Variants in TMEM120B observed in about 807,000 individuals in gnomAD.
TMEM120B encodes transmembrane protein 120B.
TMEM120B carries 31 observed loss-of-function variants against 55.5 expected under a neutral mutation model. The observed-to-expected ratio is 0.56, with a 90% CI of 0.42 to 0.75. TMEM120B has a LOEUF of 0.75. Ranked by LOEUF, TMEM120B falls within the 30% of genes least tolerant of loss-of-function variation. TMEM120B has a pLI of 0.00. For synonymous variants in TMEM120B, 203 were observed against 176.3 expected (o/e 1.15, Z -1.20); for missense variants, 399 against 425.5 (o/e 0.94, Z 0.55).
chr12:121,781,041 C>G lies in TMEM120B; in HGVS notation c.*5319C>G. On this transcript the variant is annotated 3_prime_UTR_variant, in exon 12 of 12. Coordinates refer to ENST00000449592, the MANE Select transcript of TMEM120B (RefSeq NM_001080825.2). ...GAGGAGGCGGGATCAGGGGTGCGGCCGGGCCCAGATGTGGGGCCACCACCC... is the reference window on the plus strand; with the variant it reads ...GAGGAGGCGGGATCAGGGGTGCGGCGGGGCCCAGATGTGGGGCCACCACCC... The G allele has an allele frequency of 6.2e-7, 1 of 1,613,526 alleles. No homozygotes were observed. The highest frequency in any genetic ancestry group is 8.5e-7 in the Non-Finnish European group (1 of 1,179,588).
At chr12:121,724,902 G>T (rs1171067952) in intron 1 of TMEM120B, among the ~76,000 whole-genome samples, 1 of 152,066 alleles carries the variant, frequency 6.6e-6, no homozygotes, top group Non-Finnish European at 1.5e-5. Flanking sequence ...GAGCCACCGC[G>T]CCTGGCCAAC....
intron 1 of TMEM120B, among the ~76,000 whole-genome samples, chr12:121,718,514 A>T (rs751524112): frequency 5.9e-5 from 9 of 152,068 alleles, no homozygotes; most frequent in Non-Finnish European, 1.2e-4. Flanking sequence ...TCAAAAATAA[A>T]TGAATGAGTG....
chr12:121,771,601 T>G (rs1566526196), intron 8 of TMEM120B, 52 bp downstream of exon 8: 1 of 1,561,870 alleles, frequency 6.4e-7, no homozygotes, highest in Non-Finnish European at 8.8e-7. Flanking sequence ...TTCTGAGACT[T>G]TCACCAAGGG....
chr12:121,766,447 C>T (rs1476406889), intron 6 of TMEM120B, among the ~76,000 whole-genome samples: 3 of 152,166 alleles, frequency 2.0e-5, no homozygotes, highest in Admixed American at 2.0e-4. Context: ...GCTCCAGCTC[C>T]CTGTTCTGTT....
intron 6 of TMEM120B, among the ~76,000 whole-genome samples, chr12:121,769,352 G>A (rs561526387): frequency 4.3e-4 from 65 of 152,188 alleles, no homozygotes; most frequent in African/African-American, 1.4e-3. Flanking sequence ...GTGAGGTGCC[G>A]CGTGTGGCAT....
At chr12:121,765,916 G>GC (rs1457031880) in intron 6 of TMEM120B, among the ~76,000 whole-genome samples, 1 of 152,040 alleles carries the variant, frequency 6.6e-6, no homozygotes, top group African/African-American at 2.4e-5. Flanking sequence ...GGAGGCGGTG[G>GC]GAGGTGAGAC....
At chr12:121,751,344 C>A (rs1460173213) in intron 4 of TMEM120B, among the ~76,000 whole-genome samples, 1 of 106,264 alleles carries the variant, frequency 9.4e-6, no homozygotes, top group African/African-American at 3.8e-5. Context: ...ACACCCCACA[C>A]CCACACCCCA....
chr12:121,774,964 T>C, intron 10 of TMEM120B, 98 bp from the exon 11 acceptor site: 1 of 1,346,090 alleles, frequency 7.4e-7, no homozygotes, highest in African/African-American at 1.4e-5. Context: ...GGGTAGTTGA[T>C]ACCCAAAGTT....
At chr12:121,768,007 G>T (rs1592947428) in intron 6 of TMEM120B, among the ~76,000 whole-genome samples, 2 of 152,202 alleles carry the variant, frequency 1.3e-5, no homozygotes, top group East Asian at 3.8e-4. Context: ...CTGGGAAGTT[G>T]CAGAGAGACC....
At chr12:121,772,751 C>T (rs936790331) in intron 8 of TMEM120B, among the ~76,000 whole-genome samples, 1 of 152,216 alleles carries the variant, frequency 6.6e-6, no homozygotes, top group Admixed American at 6.5e-5. Flanking sequence ...CTACAACCTA[C>T]ATTTTAAGTT....
chr12:121,773,771 C>CACACACACACACACAT (rs1395493749), intron 9 of TMEM120B, among the ~76,000 whole-genome samples: 5 of 152,212 alleles, frequency 3.3e-5, no homozygotes, highest in African/African-American at 1.2e-4. Context: ...CTAGAATACA[C>CACACACACACACACAT]ACACACAAAT....
intron 1 of TMEM120B, among the ~76,000 whole-genome samples, chr12:121,729,471 A>T (rs773833472): frequency 6.6e-6 from 1 of 152,174 alleles, no homozygotes; most frequent in Non-Finnish European, 1.5e-5. Flanking sequence ...TCGAATTACC[A>T]TATGGTCCAG....
At chr12:121,760,285 ACT>A (rs1873629681) in intron 5 of TMEM120B, among the ~76,000 whole-genome samples, 1 of 150,410 alleles carries the variant, frequency 6.6e-6, no homozygotes, top group African/African-American at 2.5e-5. Flanking sequence ...CCTGAGCGAG[ACT>A]CTGTCTCAAA....
chr12:121,772,125 TTCTC>T (rs1187259879), intron 8 of TMEM120B, among the ~76,000 whole-genome samples: 5 of 117,310 alleles, frequency 4.3e-5, no homozygotes, highest in African/African-American at 1.3e-4. Flanking sequence ...CTCTCTCTCT[TTCTC>T]TCTTTCTTTC....
chr12:121,730,656 A>G (rs1277778899), intron 1 of TMEM120B, among the ~76,000 whole-genome samples: 1 of 148,222 alleles, frequency 6.7e-6, no homozygotes, highest in East Asian at 2.0e-4. Context: ...TCAAAAAAAA[A>G]AAAAAAACAA....
intron 1 of TMEM120B, among the ~76,000 whole-genome samples, chr12:121,738,881 C>A (rs956581247): frequency 6.6e-6 from 1 of 152,036 alleles, no homozygotes; most frequent in Non-Finnish European, 1.5e-5. Context: ...ACAACTGGAC[C>A]GAACTCTTTA....
intron 1 of TMEM120B, among the ~76,000 whole-genome samples, chr12:121,735,587 T>G (rs559083253): frequency 6.6e-6 from 1 of 151,366 alleles, no homozygotes; most frequent in Admixed American, 6.6e-5. Flanking sequence ...TTAGTAGAGA[T>G]AGGGTTTCAC....
chr12:121,728,115 C>T (rs1362470779), intron 1 of TMEM120B, among the ~76,000 whole-genome samples: 1 of 151,470 alleles, frequency 6.6e-6, no homozygotes, highest in Non-Finnish European at 1.5e-5. Flanking sequence ...TCAAGTGATT[C>T]TCCGGCCTCA....
At chr12:121,758,660 G>A (rs573557750) in intron 5 of TMEM120B, 54 of 968,018 alleles carry the variant, frequency 5.6e-5, no homozygotes, top group Non-Finnish European at 6.5e-5. Context: ...CCGCGCTGTG[G>A]TCACCATGGA....
Sources: allele counts gnomAD v4.1 joint callset (sites outside exome capture counted in the v4.1 genomes callset), GRCh38; gene constraint gnomAD v4.1.1; transcripts MANE v1.5; gene names NCBI Gene and HGNC (gene_info 2026-07-23, HGNC 2026-07-21).